Variants in EPB41L2 observed in about 807,000 individuals in gnomAD.
EPB41L2 encodes band 4.1-like protein 2.
EPB41L2 carries 43 observed loss-of-function variants against 113.0 expected under a neutral mutation model. The observed-to-expected ratio is 0.38, with a 90% CI of 0.30 to 0.49. The LOEUF is 0.49. Among genes scored for constraint, EPB41L2 ranks in the 20% least tolerant of loss-of-function variants. The pLI is 0.95. For synonymous variants in EPB41L2, 442 were observed against 436.7 expected (o/e 1.01, Z -0.15); for missense variants, 1,147 against 1,223.4 (o/e 0.94, Z 0.93).
chr6:130,932,758 G>GCCT (rs1807345736), intron 3 of EPB41L2, among the ~76,000 whole-genome samples: 1 of 152,188 alleles, frequency 6.6e-6, no homozygotes, highest in Admixed American at 6.5e-5. Context: ...TTACTTCAAT[G>GCCT]CCTCCTACTG....
intron 7 of EPB41L2, among the ~76,000 whole-genome samples, chr6:130,899,833 T>C (rs1243752538): frequency 6.6e-6 from 1 of 152,192 alleles, no homozygotes; most frequent in African/African-American, 2.4e-5. Flanking sequence ...AAGTTGCTTT[T>C]GATTATTTTC....
At chr6:130,963,334 C>A (rs1408275645) in intron 1 of EPB41L2, among the ~76,000 whole-genome samples, 1 of 152,202 alleles carries the variant, frequency 6.6e-6, no homozygotes, top group Non-Finnish European at 1.5e-5. Context: ...CATTTTACAA[C>A]CCTCATAACT....
At position 130,878,192 on chromosome 6, in the gene EPB41L2, T is replaced by C; in HGVS notation, c.1955A>G (p.Lys652Arg). The C allele has an allele frequency of 6.2e-7, 1 of 1,613,610 alleles. No homozygotes were observed. The highest frequency in any genetic ancestry group is 8.5e-7 in the Non-Finnish European group (1 of 1,179,836). Reference sequence around the variant, plus strand: ...AGGTGTGGATTCCATAAAATTGCGCTTGAGTTCACTAATGCTAGCCTGATG... The same window carrying C: ...AGGTGTGGATTCCATAAAATTGCGCCTGAGTTCACTAATGCTAGCCTGATG... ...LKHQASISELKRNFMESTPEP... is the reference protein window; with the variant it reads ...LKHQASISELRRNFMESTPEP... The change falls in exon 14 of 20, where the codon AAG becomes AGG. Residue 652 changes from lysine to arginine, a missense_variant. Lys to Arg is a conservative substitution (Grantham distance 26, BLOSUM62 2). Coordinates refer to ENST00000337057, the MANE Select transcript of EPB41L2 (RefSeq NM_001431.4).
chr6:131,017,320 T>A (rs1001699812), intron 1 of EPB41L2, among the ~76,000 whole-genome samples: 1 of 152,232 alleles, frequency 6.6e-6, no homozygotes, highest in African/African-American at 2.4e-5. Flanking sequence ...TAACATTGGC[T>A]GGATTTTAAA....
chr6:130,975,026 G>C (rs1015709128), intron 1 of EPB41L2, among the ~76,000 whole-genome samples: 2 of 152,142 alleles, frequency 1.3e-5, no homozygotes, highest in Non-Finnish European at 2.9e-5. Flanking sequence ...AGTGAACCCA[G>C]AGAGGTGAAA....
chr6:130,998,244 C>T (rs1005177690), intron 1 of EPB41L2, among the ~76,000 whole-genome samples: 1 of 152,162 alleles, frequency 6.6e-6, no homozygotes. Flanking sequence ...TTTCCAAGAT[C>T]TTTTGAATTC....
intron 1 of EPB41L2, among the ~76,000 whole-genome samples, chr6:131,062,807 C>T (rs1798960018): frequency 6.6e-6 from 1 of 152,006 alleles, no homozygotes. Context: ...CCCGCCTTTC[C>T]TGGCTCCGCC....
intron 1 of EPB41L2, among the ~76,000 whole-genome samples, chr6:131,049,459 G>A (rs542802294): frequency 3.9e-5 from 6 of 152,226 alleles, no homozygotes; most frequent in Non-Finnish European, 7.4e-5. Flanking sequence ...TAAGAGAAGT[G>A]GATTAAAGAA....
At chr6:130,861,767 G>A (rs1782149528) in intron 18 of EPB41L2, among the ~76,000 whole-genome samples, 2 of 151,730 alleles carry the variant, frequency 1.3e-5, no homozygotes, top group Admixed American at 6.6e-5. Context: ...AGCTACTCAG[G>A]AGGCTGAGGC....
chr6:130,914,656 C>T (rs1800397186), intron 4 of EPB41L2, among the ~76,000 whole-genome samples: 1 of 152,160 alleles, frequency 6.6e-6, no homozygotes, highest in African/African-American at 2.4e-5. Flanking sequence ...TCAGGCAAGA[C>T]AGGGATCTTC....
intron 1 of EPB41L2, among the ~76,000 whole-genome samples, chr6:130,982,409 G>A (rs556696832): frequency 6.6e-6 from 1 of 152,234 alleles, no homozygotes; most frequent in South Asian, 2.1e-4. Flanking sequence ...AACCACAAGT[G>A]TCAGATATTC....
At chr6:130,862,065 T>A (rs1782296249) in intron 18 of EPB41L2, among the ~76,000 whole-genome samples, 1 of 152,084 alleles carries the variant, frequency 6.6e-6, no homozygotes, top group African/African-American at 2.4e-5. Context: ...AAGAGTCAGG[T>A]GTATATGTTA....
At chr6:131,005,721 C>T (rs80076777) in intron 1 of EPB41L2, among the ~76,000 whole-genome samples, 22,800 of 152,180 alleles carry the variant, frequency 0.15, 2,339 homozygotes, top group East Asian at 0.43. Flanking sequence ...CCCATTCCCA[C>T]GGTCATGCAC....
chr6:130,880,224 AC>A lies in EPB41L2; in HGVS notation c.1834-19del. 1 of 1,583,408 alleles carries A rather than the reference AC, an allele frequency of 6.3e-7. No homozygotes were observed. Among genetic ancestry groups the A allele is most frequent in the Non-Finnish European group, 8.7e-7 (1 of 1,152,624 alleles). ...GAATTTTTCTGTGAAATTAAATCAC[AC>A]ACAGGGGGGAAAAGGCAAATAAACA... On this transcript the variant is annotated intron_variant, in intron 12 of 19. Transcript: ENST00000337057.
At chr6:131,017,306 AAACT>A (rs1460767185) in intron 1 of EPB41L2, among the ~76,000 whole-genome samples, 1 of 151,974 alleles carries the variant, frequency 6.6e-6, no homozygotes, top group African/African-American at 2.4e-5. Context: ...GGAATAAAAC[AAACT>A]AACATTGGCT....
At chr6:131,013,154 T>G (rs1787416968) in intron 1 of EPB41L2, among the ~76,000 whole-genome samples, 1 of 152,122 alleles carries the variant, frequency 6.6e-6, no homozygotes, top group Non-Finnish European at 1.5e-5. Flanking sequence ...CACATATTAT[T>G]TTGTAAACAT....
chr6:130,931,300 T>A (rs983763838), intron 3 of EPB41L2, among the ~76,000 whole-genome samples: 2 of 152,252 alleles, frequency 1.3e-5, no homozygotes, highest in East Asian at 3.9e-4. Flanking sequence ...CTAACACGCA[T>A]TATTTTTTTA....
chr6:130,862,870 C>T (rs530235762), intron 18 of EPB41L2, among the ~76,000 whole-genome samples: 1 of 152,286 alleles, frequency 6.6e-6, no homozygotes, highest in South Asian at 2.1e-4. Flanking sequence ...GCTCCTACTC[C>T]CCAGCTGAGA....
intron 12 of EPB41L2, among the ~76,000 whole-genome samples, chr6:130,884,453 C>T (rs12333166): frequency 0.025 from 3,787 of 152,284 alleles, 186 homozygotes; most frequent in African/African-American, 0.087. Context: ...TGTGCAGACA[C>T]AGAAAAGAGA....
Sources: allele counts gnomAD v4.1 joint callset (sites outside exome capture counted in the v4.1 genomes callset), GRCh38; gene constraint gnomAD v4.1.1; transcripts MANE v1.5; gene names NCBI Gene and HGNC (gene_info 2026-07-23, HGNC 2026-07-21).